The following IQGAP1 variants were observed in gnomAD, a reference collection of about 807,000 sequenced individuals.
IQGAP1 encodes IQ motif containing GTPase activating protein 1, also known as ras GTPase-activating-like protein IQGAP1.
IQGAP1 carries 66 observed loss-of-function variants against 215.6 expected under a neutral mutation model. The observed-to-expected ratio is 0.31, with a 90% confidence interval of 0.25 to 0.38. The LOEUF is 0.38. Among genes scored for constraint, IQGAP1 ranks in the 10% least tolerant of loss-of-function variants. The pLI, the probability that IQGAP1 is intolerant of heterozygous loss-of-function variation, is 1.00. For synonymous variants in IQGAP1, 772 were observed against 728.7 expected (o/e 1.06, Z -0.96); for missense variants, 1,712 against 1,997.1 (o/e 0.86, Z 2.72).
chr15:90,412,936 T>A (rs1361808638), intron 2 of IQGAP1, among the ~76,000 whole-genome samples: 1 of 152,214 alleles, frequency 6.6e-6, no homozygotes, highest in Non-Finnish European at 1.5e-5. Context: ...TCATGTGCTC[T>A]GCAGAACTTG....
At chr15:90,446,183 T>C (rs990506109) in intron 9 of IQGAP1, among the ~76,000 whole-genome samples, 1 of 152,222 alleles carries the variant, frequency 6.6e-6, no homozygotes, top group African/African-American at 2.4e-5. Flanking sequence ...ATTTTTTGTT[T>C]TACTGAGGGA....
intron 18 of IQGAP1, among the ~76,000 whole-genome samples, chr15:90,469,446 G>A (rs1294952395): frequency 6.6e-6 from 1 of 152,162 alleles, no homozygotes; most frequent in African/African-American, 2.4e-5. Flanking sequence ...TATATGGTGG[G>A]TTACAGTCTC....
intron 2 of IQGAP1, among the ~76,000 whole-genome samples, chr15:90,420,867 T>C (rs1965123355): frequency 6.6e-6 from 1 of 152,212 alleles, no homozygotes; most frequent in Non-Finnish European, 1.5e-5. Context: ...TAAATGTCTT[T>C]ATAGGCCGGG....
At chr15:90,496,393 T>G (rs993504158) in intron 36 of IQGAP1, among the ~76,000 whole-genome samples, 1 of 142,352 alleles carries the variant, frequency 7.0e-6, no homozygotes, top group African/African-American at 2.6e-5. Flanking sequence ...GGTATGGTAC[T>G]CAGCTCACTA....
In IQGAP1 at chr15:90,482,258, G is replaced by A. The variant is rs371627028; in HGVS notation, c.3532G>A (p.Ala1178Thr). The change falls in exon 28 of 38, where the codon GCT (alanine) becomes ACT (threonine). Residue 1178 changes from alanine to threonine, a missense_variant. Coordinates refer to ENST00000268182, the MANE Select transcript of IQGAP1 (RefSeq NM_003870.4). Reference protein sequence around the residue: ...KDSLHEKFPDAGEDELLKIIG... With the variant: ...KDSLHEKFPDTGEDELLKIIG... ...CTCGTTGCATGAGAAGTTCCCTGATGCTGGTGAGGATGAGCTGCTGAAGGT... is the reference window on the plus strand; with the variant it reads ...CTCGTTGCATGAGAAGTTCCCTGATACTGGTGAGGATGAGCTGCTGAAGGT... 1 of 1,614,218 alleles carries A rather than the reference G, an allele frequency of 6.2e-7. No individual in the cohort carries two copies. Among genetic ancestry groups the A allele is most frequent in the African/African-American group, 1.3e-5 (1 of 75,056 alleles).
At chr15:90,394,915 G>A (rs1191371063) in intron 2 of IQGAP1, among the ~76,000 whole-genome samples, 1 of 152,204 alleles carries the variant, frequency 6.6e-6, no homozygotes, top group African/African-American at 2.4e-5. Flanking sequence ...AGAGGAGTGT[G>A]TAGAGAGTGA....
chr15:90,401,292 G>T (rs1320897638), intron 2 of IQGAP1, among the ~76,000 whole-genome samples: 1 of 152,176 alleles, frequency 6.6e-6, no homozygotes, highest in African/African-American at 2.4e-5. Flanking sequence ...TTATTTTGAA[G>T]AGTAAGAGTT....
At chr15:90,497,139 T>C (rs922172083) in intron 36 of IQGAP1, 93 bp from the exon 37 acceptor site, 3 of 689,664 alleles carry the variant, frequency 4.3e-6, no homozygotes, top group East Asian at 5.5e-5. Context: ...CTTTTCACTC[T>C]TGAAGACTTG....
chr15:90,440,731 A>G (rs1965437260), intron 7 of IQGAP1, 116 bp downstream of exon 7: 2 of 661,350 alleles, frequency 3.0e-6, no homozygotes, highest in African/African-American at 3.6e-5. Flanking sequence ...TTAAGTCCAC[A>G]GATGTAGTTG....
chr15:90,454,480 G>A lies in IQGAP1; in HGVS notation c.1540G>A (p.Glu514Lys), dbSNP rs1270814450. Residue 514 changes from glutamate to lysine, a missense_variant, in exon 14 of 38, where the codon GAA (glutamate) becomes AAA (lysine). Glu to Lys is a moderately conservative substitution (Grantham distance 56, BLOSUM62 1). Around this residue, in one of 2 missense-constraint regions of IQGAP1, gnomAD observed 1,021 missense variants for 1,074.2 expected, o/e 0.95. Coordinates refer to ENST00000268182, the MANE Select transcript of IQGAP1 (RefSeq NM_003870.4). Reference protein sequence around the residue: ...LKAQAHAENNEFITWNDIQAC... With the variant: ...LKAQAHAENNKFITWNDIQAC... The stretch of plus-strand genomic sequence containing the variant: ...GGCTCAGGCACATGCAGAGAATAAT[G>A]AATTCATTACATGGAATGATATCCA... 3 of 1,612,252 alleles carry A rather than the reference G, an allele frequency of 1.9e-6. No individual in the cohort carries two copies. In the Admixed American group the frequency reaches 5.0e-5, roughly 27 times the overall value.
chr15:90,422,341 T>C (rs1051279438), intron 2 of IQGAP1, among the ~76,000 whole-genome samples: 2 of 152,130 alleles, frequency 1.3e-5, no homozygotes, highest in African/African-American at 4.8e-5. Flanking sequence ...TTAGATTCTT[T>C]TTCAATGTTT....
intron 2 of IQGAP1, among the ~76,000 whole-genome samples, chr15:90,394,645 G>T (rs953666668): frequency 1.3e-5 from 2 of 152,070 alleles, no homozygotes; most frequent in Non-Finnish European, 2.9e-5. Context: ...TGCCTTTTTG[G>T]TTTGGTTCCA....
Position 90,461,983 on chromosome 15 carries a change from C to CAAAAA in IQGAP1, c.1777-4006_1777-4002dup, listed in dbSNP as rs1365772796. 1.4e-4 allele frequency among the ~76,000 whole-genome samples: 12 copies of CAAAAA among 85,736 alleles called. 1 individual carries two copies. Among genetic ancestry groups the CAAAAA allele is most frequent in the South Asian group, 5.6e-4 (2 of 3,572 alleles). The allele number at this position is 85,736 out of a possible 152,430, so 56.2% of individuals were successfully genotyped here. A position where few individuals can be genotyped will look rare whatever the true frequency, so the allele number is the denominator to read the frequency against. ...TGAAACCCCATCTCTACTAAAAACA[C>CAAAAA]AAAAAAAAAAAAAAAAGAAAAAAAA... On this transcript the variant is annotated intron_variant, in intron 15 of 37. Transcript: ENST00000268182.
chr15:90,485,922 A>G (rs1209910981), intron 30 of IQGAP1, 108 bp from the exon 31 acceptor site: 4 of 759,834 alleles, frequency 5.3e-6, no homozygotes, highest in South Asian at 1.8e-5. Context: ...TTCTTTGAAT[A>G]TAGGAACTTT....
At chr15:90,402,303 G>C (rs1430566560) in intron 2 of IQGAP1, among the ~76,000 whole-genome samples, 2 of 152,190 alleles carry the variant, frequency 1.3e-5, no homozygotes, top group African/African-American at 4.8e-5. Flanking sequence ...GTTTGTTAAA[G>C]AGTTACCTCA....
intron 33 of IQGAP1, 50 bp downstream of exon 33, chr15:90,487,632 C>T (rs374976066): frequency 1.3e-4 from 158 of 1,245,372 alleles, no homozygotes; most frequent in East Asian, 1.6e-4. Context: ...TAAGCTCTCC[C>T]GATAGGCGCA....
chr15:90,449,607 G>T lies in IQGAP1; in HGVS notation c.1126G>T (p.Asp376Tyr). The T allele has an allele frequency of 6.2e-7, 1 of 1,613,114 alleles. No homozygotes were observed. The highest frequency in any genetic ancestry group is 8.5e-7 in the Non-Finnish European group (1 of 1,179,614). ...GAAGGAGGAGCTGCAGTCTGGAGTGGATGCTGCAAACAGTGCTGCCCAGCA... is the reference window on the plus strand; with the variant it reads ...GAAGGAGGAGCTGCAGTCTGGAGTGTATGCTGCAAACAGTGCTGCCCAGCA... ...LQKEELQSGV[D>Y]AANSAAQQYQ... The change falls in exon 11 of 38, where the codon GAT (aspartate) becomes TAT (tyrosine). Residue 376 changes from aspartate (D) to tyrosine (Y), a missense_variant. Coordinates refer to ENST00000268182, the MANE Select transcript of IQGAP1 (RefSeq NM_003870.4).
At chr15:90,413,655 C>T (rs1327685624) in intron 2 of IQGAP1, among the ~76,000 whole-genome samples, 3 of 152,026 alleles carry the variant, frequency 2.0e-5, no homozygotes, top group Non-Finnish European at 2.9e-5. Context: ...AACCAGGTGC[C>T]GATTTTAGAT....
At chr15:90,392,809 A>G (rs1320816334) in intron 2 of IQGAP1, among the ~76,000 whole-genome samples, 1 of 132,362 alleles carries the variant, frequency 7.6e-6, no homozygotes, top group African/African-American at 3.0e-5. Context: ...CAGTGGCGCA[A>G]TCTTGGCTCA....
Sources: allele counts gnomAD v4.1 joint callset (sites outside exome capture counted in the v4.1 genomes callset), GRCh38; gene constraint gnomAD v4.1.1; regional missense constraint gnomAD v4.1.1; transcripts MANE v1.5; gene names NCBI Gene and HGNC (gene_info 2026-07-23, HGNC 2026-07-21).